The following GLIS3 variants were observed in gnomAD, a reference collection of about 807,000 sequenced individuals.
GLIS3 encodes zinc finger protein GLIS3.
GLIS3 carries 53 observed loss-of-function variants against 78.6 expected under a neutral mutation model. That is an observed-to-expected ratio of 0.67 (90% CI 0.54 to 0.85). GLIS3 has a LOEUF of 0.85. GLIS3 is among the 40% of genes least tolerant of loss of function. The probability of loss-of-function intolerance (pLI) is 0.00; values close to 1 mark genes in which losing one functional copy is unlikely to be tolerated. For missense variants in GLIS3, 1,703 were observed against 1,231.1 expected (o/e 1.38, Z -5.74); for synonymous variants, 684 against 509.9 (o/e 1.34, Z -4.60).
intron 2 of GLIS3, among the ~76,000 whole-genome samples, chr9:4,314,440 G>T (rs1342223710): frequency 6.6e-6 from 1 of 152,192 alleles, no homozygotes; most frequent in Non-Finnish European, 1.5e-5. Context: ...CAATATGTTT[G>T]CATGTGCATA....
the GLIS3 span, among the ~76,000 whole-genome samples, chr9:4,479,535 G>A: frequency 2.6e-5 from 4 of 152,164 alleles, no homozygotes; most frequent in South Asian, 8.3e-4. Context: ...CCAGTTCACA[G>A]AGGTTCCCTA....
intron 4 of GLIS3, among the ~76,000 whole-genome samples, chr9:4,024,329 T>A (rs1053178375): frequency 6.6e-6 from 1 of 152,192 alleles, no homozygotes; most frequent in Non-Finnish European, 1.5e-5. Context: ...ACGGCTGTCA[T>A]CACATCAAGA....
At chr9:4,366,327 A>C in the GLIS3 span, among the ~76,000 whole-genome samples, 2 of 152,184 alleles carry the variant, frequency 1.3e-5, no homozygotes, top group Non-Finnish European at 2.9e-5. Context: ...TCTTTAGCTA[A>C]TTGCCTAAGC....
intron 2 of GLIS3, among the ~76,000 whole-genome samples, chr9:4,179,283 G>C (rs1817082469): frequency 6.6e-6 from 1 of 152,186 alleles, no homozygotes; most frequent in Admixed American, 6.5e-5. Context: ...TTCTTTCCCT[G>C]TGTCGAGGTT....
intron 4 of GLIS3, among the ~76,000 whole-genome samples, chr9:4,072,788 T>C (rs1338577482): frequency 7.4e-6 from 1 of 134,748 alleles, no homozygotes; most frequent in Non-Finnish European, 1.6e-5. Context: ...TGTTGTTGTT[T>C]AGTTTCTTTC....
chr9:4,175,416 C>T (rs1816728496), intron 2 of GLIS3, among the ~76,000 whole-genome samples: 1 of 152,178 alleles, frequency 6.6e-6, no homozygotes, highest in Non-Finnish European at 1.5e-5. Flanking sequence ...TGGAACTTAT[C>T]CCATGCTAGG....
chr9:4,402,107 G>C, the GLIS3 span, among the ~76,000 whole-genome samples: 79 of 152,294 alleles, frequency 5.2e-4, no homozygotes, highest in African/African-American at 1.7e-3. Flanking sequence ...CCAGTACTAT[G>C]TTGGCTTCAG....
intron 2 of GLIS3, among the ~76,000 whole-genome samples, chr9:4,183,805 T>C (rs927155853): frequency 6.6e-6 from 1 of 152,248 alleles, no homozygotes; most frequent in Non-Finnish European, 1.5e-5. Context: ...GAATGTTTAT[T>C]TGATTCTTTC....
chr9:4,396,540 A>T, the GLIS3 span, among the ~76,000 whole-genome samples: 1 of 152,214 alleles, frequency 6.6e-6, no homozygotes, highest in Non-Finnish European at 1.5e-5. Context: ...TTTCTTAGTG[A>T]CAAAATTTCT....
chr9:3,984,092 C>A (rs2129647287), intron 4 of GLIS3, among the ~76,000 whole-genome samples: 1 of 152,266 alleles, frequency 6.6e-6, no homozygotes, highest in South Asian at 2.1e-4. Flanking sequence ...TGTGTGCAGC[C>A]TAGGGACTGC....
intron 4 of GLIS3, among the ~76,000 whole-genome samples, chr9:4,035,451 C>T (rs969497176): frequency 3.3e-5 from 5 of 151,452 alleles, no homozygotes; most frequent in African/African-American, 4.9e-5. Flanking sequence ...ATTCCACCTT[C>T]TATCTCTCTC....
the GLIS3 span, among the ~76,000 whole-genome samples, chr9:4,414,621 T>C: frequency 6.6e-6 from 1 of 152,194 alleles, no homozygotes; most frequent in African/African-American, 2.4e-5. Context: ...TCAGAACTTT[T>C]TTGGGTAACA....
At chr9:4,418,135 C>A in the GLIS3 span, among the ~76,000 whole-genome samples, 1 of 152,192 alleles carries the variant, frequency 6.6e-6, no homozygotes, top group African/African-American at 2.4e-5. Context: ...TTTACTGAGA[C>A]TTAACAGTCA....
intron 2 of GLIS3, among the ~76,000 whole-genome samples, chr9:4,253,095 G>A (rs1200617047): frequency 1.3e-5 from 2 of 152,242 alleles, no homozygotes; most frequent in Non-Finnish European, 2.9e-5. Context: ...AGGGGTCAGG[G>A]ACCCACTGGA....
chr9:4,235,419 G>A (rs1193195089), intron 2 of GLIS3, among the ~76,000 whole-genome samples: 3 of 151,870 alleles, frequency 2.0e-5, no homozygotes, highest in African/African-American at 7.3e-5. Flanking sequence ...GACTCAAAAT[G>A]CAACTTTTAT....
chr9:4,436,784 G>C, the GLIS3 span, among the ~76,000 whole-genome samples: 1 of 120,556 alleles, frequency 8.3e-6, no homozygotes, highest in Non-Finnish European at 1.6e-5. Context: ...TTGCACTCCA[G>C]CCTGGGCAAG....
intron 4 of GLIS3, among the ~76,000 whole-genome samples, chr9:4,012,145 C>T (rs1485060609): frequency 6.6e-6 from 1 of 152,120 alleles, no homozygotes; most frequent in African/African-American, 2.4e-5. Flanking sequence ...GGGGCTAAAC[C>T]ACCATCCCAT....
intron 2 of GLIS3, among the ~76,000 whole-genome samples, chr9:4,261,736 C>A (rs1383332498): frequency 6.6e-6 from 1 of 152,184 alleles, no homozygotes; most frequent in Admixed American, 6.5e-5. Flanking sequence ...TTTCACTAAA[C>A]GCAATTCCCA....
At chr9:4,485,788 T>G in the GLIS3 span, among the ~76,000 whole-genome samples, 5 of 151,556 alleles carry the variant, frequency 3.3e-5, no homozygotes, top group African/African-American at 1.2e-4. Flanking sequence ...TGTCGCAATC[T>G]CAGCTCACTG....
Sources: allele counts gnomAD v4.1 joint callset (sites outside exome capture counted in the v4.1 genomes callset), GRCh38; gene constraint gnomAD v4.1.1; transcripts MANE v1.5; gene names NCBI Gene and HGNC (gene_info 2026-07-23, HGNC 2026-07-21).